The following NCKAP5 variants were observed in gnomAD, a reference collection of about 807,000 sequenced individuals.
The protein encoded by NCKAP5 is NCK associated protein 5.
In NCKAP5, 92 loss-of-function variants were observed where a neutral mutation model predicts 167.0. The observed-to-expected ratio is 0.55, with a 90% CI of 0.47 to 0.66. NCKAP5 has a LOEUF of 0.66. Among genes scored for constraint, NCKAP5 ranks in the 30% least tolerant of loss-of-function variants. The pLI is 0.00. For synonymous variants in NCKAP5, 891 were observed against 877.4 expected, an observed-to-expected ratio of 1.02 and a Z score of -0.27; for missense variants, 2,378 against 2,315.0, an observed-to-expected ratio of 1.03 and a Z score of -0.56.
chr2:132,863,397 C>T (rs529355580), intron 10 of NCKAP5, among the ~76,000 whole-genome samples: 52 of 145,894 alleles, frequency 3.6e-4, no homozygotes, highest in African/African-American at 6.6e-4. Flanking sequence ...ATAGTAACCA[C>T]GATTTTTAGC....
intron 3 of NCKAP5, among the ~76,000 whole-genome samples, chr2:133,410,321 T>C (rs982574297): frequency 6.6e-6 from 1 of 152,226 alleles, no homozygotes; most frequent in African/African-American, 2.4e-5. Flanking sequence ...GTCAATGAAA[T>C]TCATGGCCCA....
At chr2:133,019,331 A>T (rs7572356) in intron 6 of NCKAP5, among the ~76,000 whole-genome samples, 1 of 152,004 alleles carries the variant, frequency 6.6e-6, no homozygotes. Flanking sequence ...TATTTTGATA[A>T]GGGATAAAGA....
At chr2:132,828,983 G>C (rs769116880) in intron 11 of NCKAP5, among the ~76,000 whole-genome samples, 1 of 152,072 alleles carries the variant, frequency 6.6e-6, no homozygotes, top group Non-Finnish European at 1.5e-5. Context: ...CTCAACTGTC[G>C]GCTAGGAGAC....
At chr2:133,118,444 T>C (rs1285494790) in intron 6 of NCKAP5, 1 of 152,162 alleles carries the variant, frequency 6.6e-6, no homozygotes, top group Non-Finnish European at 1.5e-5. Context: ...CCAAATACCA[T>C]CCACAGTGAG....
At chr2:132,796,837 T>C in intron 11 of NCKAP5, 108 bp from the exon 12 acceptor site, 1 of 743,576 alleles carries the variant, frequency 1.3e-6, no homozygotes. Flanking sequence ...CCAGATTAGA[T>C]AATACATGTC....
chr2:132,902,111 C>T (rs947140213), intron 8 of NCKAP5, among the ~76,000 whole-genome samples: 3 of 152,088 alleles, frequency 2.0e-5, no homozygotes, highest in Non-Finnish European at 4.4e-5. Flanking sequence ...ATAATAAACC[C>T]GATTTTACAG....
At chr2:133,239,990 A>C (rs1024170876) in intron 4 of NCKAP5, among the ~76,000 whole-genome samples, 2 of 152,162 alleles carry the variant, frequency 1.3e-5, no homozygotes, top group Admixed American at 6.5e-5. Flanking sequence ...ACCCTTACCA[A>C]AACTGAAATC....
intron 12 of NCKAP5, among the ~76,000 whole-genome samples, chr2:132,794,135 T>A (rs967822947): frequency 2.0e-5 from 3 of 149,788 alleles, no homozygotes; most frequent in African/African-American, 7.4e-5. Flanking sequence ...CTATGTGGGA[T>A]CATTGTGAAG....
At chr2:133,518,490 G>A (rs1002975733) in intron 2 of NCKAP5, among the ~76,000 whole-genome samples, 1 of 144,008 alleles carries the variant, frequency 6.9e-6, no homozygotes, top group Non-Finnish European at 1.6e-5. Context: ...GAGTAGCTGG[G>A]ACTACAGGCG....
In NCKAP5 at chr2:133,567,680, TGTGTGTGTG is replaced by T. The variant is rs1575169254; in HGVS notation, c.-130+527_-130+535del. 5.9e-5 allele frequency among the ~76,000 whole-genome samples: 9 copies of T among 151,558 alleles called. No homozygotes were observed. In the East Asian group the frequency reaches 1.8e-3, roughly 30 times the overall value. ...GCCTGTGTGTGTGTGTGTGTGTGTG[TGTGTGTGTG>T]TGTGTGTGTGTTTGGGGAGAGAGTG... On this transcript the variant is annotated intron_variant, in intron 1 of 19. Transcript: ENST00000409261.
chr2:133,066,023 G>A (rs1010161010), intron 6 of NCKAP5, among the ~76,000 whole-genome samples: 2 of 152,186 alleles, frequency 1.3e-5, no homozygotes, highest in African/African-American at 2.4e-5. Context: ...AGGAGTGTGT[G>A]AGTGTATGTG....
chr2:133,333,405 C>T (rs575862087), intron 3 of NCKAP5, among the ~76,000 whole-genome samples: 1 of 152,104 alleles, frequency 6.6e-6, no homozygotes, highest in South Asian at 2.1e-4. Context: ...TGGCTTGGGG[C>T]CTTTAATGCA....
At chr2:133,299,608 G>A (rs192811131) in intron 4 of NCKAP5, among the ~76,000 whole-genome samples, 6 of 152,182 alleles carry the variant, frequency 3.9e-5, no homozygotes, top group African/African-American at 1.2e-4. Flanking sequence ...AAAATTAGCC[G>A]AGTGTGGCGG....
chr2:133,600,534 C>T, the NCKAP5 span, among the ~76,000 whole-genome samples: 2 of 152,214 alleles, frequency 1.3e-5, no homozygotes, highest in East Asian at 1.9e-4. Context: ...GAGCTGACTG[C>T]GTTACAAGCA....
intron 8 of NCKAP5, among the ~76,000 whole-genome samples, chr2:132,950,477 A>T (rs2149141359): frequency 6.6e-6 from 1 of 152,286 alleles, no homozygotes; most frequent in South Asian, 2.1e-4. Context: ...GGCCCCTGGG[A>T]TCAGTTTTCA....
chr2:132,871,880 T>C (rs1240726510), intron 9 of NCKAP5, among the ~76,000 whole-genome samples: 1 of 152,230 alleles, frequency 6.6e-6, no homozygotes, highest in African/African-American at 2.4e-5. Context: ...TTATCGCTTT[T>C]AACAGCTAAC....
chr2:133,547,276 T>C (rs919270849), intron 2 of NCKAP5, among the ~76,000 whole-genome samples: 1 of 151,942 alleles, frequency 6.6e-6, no homozygotes, highest in Non-Finnish European at 1.5e-5. Context: ...GAGATCAAAC[T>C]GCAAGGCGGC....
chr2:133,003,399 C>A (rs1019775304), intron 6 of NCKAP5, among the ~76,000 whole-genome samples: 1 of 152,166 alleles, frequency 6.6e-6, no homozygotes, highest in Non-Finnish European at 1.5e-5. Context: ...ATTCCAAGAG[C>A]AAATTGTTCA....
At chr2:133,355,513 CATAGAT>C (rs1434001556) in intron 3 of NCKAP5, among the ~76,000 whole-genome samples, 1 of 152,108 alleles carries the variant, frequency 6.6e-6, no homozygotes, top group Non-Finnish European at 1.5e-5. Context: ...TGTCTTTACT[CATAGAT>C]ATAGCAGATT....
Sources: gnomAD v4.1 joint callset for allele counts (sites outside exome capture counted in the v4.1 genomes callset) on GRCh38, gnomAD v4.1.1 for gene constraint, MANE v1.5 for transcripts, NCBI Gene and HGNC (gene_info 2026-07-23, HGNC 2026-07-21) for gene names.